The following FRK variants were observed in gnomAD, a reference collection of about 807,000 sequenced individuals.
FRK encodes tyrosine-protein kinase FRK.
Under a neutral mutation model 56.4 loss-of-function variants are expected in FRK, and 51 were observed. The ratio of observed to expected loss-of-function variants is 0.90; its 90% CI spans 0.72 to 1.14. The LOEUF is 1.14. FRK is among the 50% of genes most tolerant of loss of function. The pLI is 0.00. For synonymous variants in FRK, 245 were observed against 217.9 expected, an observed-to-expected ratio of 1.12 and a Z score of -1.10; for missense variants, 570 against 601.4, an observed-to-expected ratio of 0.95 and a Z score of 0.55.
rs1369981141 is a variant in FRK, at chr6:115,940,335, G to T, written c.*2079C>A. On this transcript the variant is annotated 3_prime_UTR_variant, in exon 8 of 8. Coordinates refer to ENST00000606080, the MANE Select transcript of FRK (RefSeq NM_002031.3). ...ACCTATACAAAAATTAACTCAAGAT[G>T]GATTAAAGACTTAAATGTAAGACCT... 6.6e-6 allele frequency: 1 copy of T among 151,970 alleles called. No homozygotes were observed. The highest frequency in any genetic ancestry group is 1.5e-5 in the Non-Finnish European group (1 of 68,016). 9.4% of individuals were successfully genotyped at this position (151,970 alleles called of 1,614,324 possible).
chr6:115,959,500 T>G (rs1438560498), intron 4 of FRK, among the ~76,000 whole-genome samples: 1 of 152,214 alleles, frequency 6.6e-6, no homozygotes, highest in African/African-American at 2.4e-5. Flanking sequence ...ACACAGTGAT[T>G]GTGAAAATCT....
chr6:115,933,930 C>G lies in FRK; in HGVS notation c.*8484G>C, dbSNP rs1772000986. The G allele has an allele frequency of 6.6e-6, 1 of 152,098 alleles. No homozygotes were observed. Among genetic ancestry groups the G allele is most frequent in the African/African-American group, 2.4e-5 (1 of 41,402 alleles). 9.4% of individuals were successfully genotyped at this position (152,098 alleles called of 1,614,324 possible). On this transcript the variant is annotated 3_prime_UTR_variant, in exon 8 of 8. Coordinates refer to ENST00000606080, the MANE Select transcript of FRK (RefSeq NM_002031.3). The stretch of plus-strand genomic sequence containing the variant: ...AATCAAGGGGTTCTATAATCTTTAG[C>G]TTCACATGACCCATTTAATTTCAAG...
chr6:116,003,893 TC>T lies in FRK; in HGVS notation c.449del (p.Gly150GlufsTer8). The T allele has an allele frequency of 6.2e-7, 1 of 1,613,640 alleles. No homozygotes were observed. The highest frequency in any genetic ancestry group is 8.5e-7 in the Non-Finnish European group (1 of 1,179,860). ...FLIRESESQK[G>X]EFSLSVLDGA... ...TACCCTTACCTGAAAGAGAGAATTCTCCTTTTTGGCTTTCACTTTCTCTGAT... is the reference window on the plus strand; with the variant it reads ...TACCCTTACCTGAAAGAGAGAATTCTCTTTTTGGCTTTCACTTTCTCTGAT... On this transcript the variant is annotated frameshift_variant, in exon 2 of 8. Transcript: ENST00000606080. LOFTEE classifies it high-confidence loss of function.
intron 1 of FRK, among the ~76,000 whole-genome samples, chr6:116,025,072 A>T (rs1386792364): frequency 6.6e-6 from 1 of 152,086 alleles, no homozygotes; most frequent in Admixed American, 6.6e-5. Flanking sequence ...TTACCTTTTT[A>T]AAAAAGGTCT....
intron 1 of FRK, among the ~76,000 whole-genome samples, chr6:116,004,353 T>C (rs1056353856): frequency 2.6e-5 from 4 of 151,024 alleles, no homozygotes; most frequent in Admixed American, 2.0e-4. Context: ...CTAAAATGAC[T>C]CATCATCTCC....
chr6:116,086,392 T>C, the FRK span, among the ~76,000 whole-genome samples: 1 of 152,210 alleles, frequency 6.6e-6, no homozygotes, highest in Non-Finnish European at 1.5e-5. Flanking sequence ...AGTATTTTTC[T>C]ATGTGATGTA....
intron 2 of FRK, among the ~76,000 whole-genome samples, chr6:115,976,156 T>C (rs1773984240): frequency 6.6e-6 from 1 of 152,052 alleles, no homozygotes; most frequent in East Asian, 1.9e-4. Context: ...CATGGTAAGG[T>C]CTTATTTTGC....
chr6:115,953,213 G>A lies in FRK; in HGVS notation c.958+3239C>T, dbSNP rs1232926382. Among the ~76,000 whole-genome samples the A allele has an allele frequency of 1.0e-3, 87 of 86,452 alleles. 2 individuals are homozygous for A. The highest frequency in any genetic ancestry group is 2.5e-3 in the African/African-American group (55 of 21,842). 56.7% of individuals were successfully genotyped at this position (86,452 alleles called of 152,430 possible). A position where few individuals can be genotyped will look rare whatever the true frequency, so the allele number is the denominator to read the frequency against. On this transcript the variant is annotated intron_variant, in intron 5 of 7. Transcript: ENST00000606080. ...TTTTTTTTTTTTTTTTTTTTGAGAC[G>A]GAGTCTCGCTCTGTCGCCCAGGCTG...
the FRK span, among the ~76,000 whole-genome samples, chr6:116,094,016 C>A: frequency 1.3e-5 from 2 of 152,134 alleles, no homozygotes; most frequent in African/African-American, 4.8e-5. Flanking sequence ...AAGGCCGCAG[C>A]CTTAGTCATG....
chr6:116,003,081 C>A (rs1347520698), intron 2 of FRK, among the ~76,000 whole-genome samples: 1 of 152,160 alleles, frequency 6.6e-6, no homozygotes, highest in East Asian at 1.9e-4. Flanking sequence ...TAGAGGGAAG[C>A]AAAGCCTCTC....
intron 1 of FRK, among the ~76,000 whole-genome samples, chr6:116,023,684 C>T (rs1430186913): frequency 2.6e-5 from 4 of 152,088 alleles, no homozygotes; most frequent in Non-Finnish European, 4.4e-5. Context: ...TTGGGAGCAG[C>T]GGTGGCTCAG....
At chr6:116,027,050 T>G (rs1004565619) in intron 1 of FRK, among the ~76,000 whole-genome samples, 1 of 152,208 alleles carries the variant, frequency 6.6e-6, no homozygotes, top group Non-Finnish European at 1.5e-5. Context: ...CATCCTAAAC[T>G]GTTAAATGCA....
intron 2 of FRK, among the ~76,000 whole-genome samples, chr6:115,981,761 T>A (rs1774209026): frequency 6.6e-6 from 1 of 152,098 alleles, no homozygotes; most frequent in South Asian, 2.1e-4. Context: ...CAAAGGAGTA[T>A]TTTTTGTATT....
At chr6:115,951,265 A>G (rs1772740028) in intron 5 of FRK, among the ~76,000 whole-genome samples, 4 of 152,218 alleles carry the variant, frequency 2.6e-5, no homozygotes. Context: ...TGTTTTTTAA[A>G]GAAAAAAAGT....
At chr6:116,007,137 T>A (rs1233845951) in intron 1 of FRK, among the ~76,000 whole-genome samples, 2 of 152,244 alleles carry the variant, frequency 1.3e-5, no homozygotes, top group African/African-American at 4.8e-5. Flanking sequence ...TCAAAGTGCA[T>A]TGATTATGCA....
upstream of FRK, among the ~76,000 whole-genome samples, chr6:116,061,851 C>T (rs1038079104): frequency 1.3e-5 from 2 of 152,076 alleles, no homozygotes; most frequent in Middle Eastern, 3.4e-3. Flanking sequence ...CCTGGCTAAC[C>T]TATTCCTAGT....
chr6:115,943,309 A>G, intron 6 of FRK, 124 bp from the exon 7 acceptor site: 1 of 648,266 alleles, frequency 1.5e-6, no homozygotes, highest in Non-Finnish European at 2.5e-6. Context: ...AGCTTAGTTC[A>G]ACTGACAATT....
At chr6:116,058,910 CAAAA>C (rs3049930) in intron 1 of FRK, among the ~76,000 whole-genome samples, 1 of 78,428 alleles carries the variant, frequency 1.3e-5, no homozygotes, top group African/African-American at 5.1e-5. Context: ...GACTCCGTCT[CAAAA>C]AAAAAAAAAA....
chr6:116,039,639 T>C, intron 1 of FRK: 1 of 753,926 alleles, frequency 1.3e-6, no homozygotes, highest in South Asian at 1.4e-5. Context: ...CTTCCTTTAC[T>C]GTTTATATCT....
Sources: allele counts gnomAD v4.1 joint callset (sites outside exome capture counted in the v4.1 genomes callset), GRCh38; gene constraint gnomAD v4.1.1; transcripts MANE v1.5; gene names NCBI Gene and HGNC (gene_info 2026-07-23, HGNC 2026-07-21).